Variants in ARL8B observed in about 807,000 individuals in gnomAD.
ARL8B encodes ARF like GTPase 8B, also known as ADP-ribosylation factor-like protein 8B.
A neutral mutation model predicts 30.6 loss-of-function variants in ARL8B; 9 were observed. The observed-to-expected ratio is 0.29, with a 90% CI of 0.18 to 0.51. The LOEUF is 0.51. Ranked by LOEUF, ARL8B falls within the 20% of genes least tolerant of loss-of-function variation. The pLI, the probability that ARL8B is intolerant of heterozygous loss-of-function variation, is 0.97. For synonymous variants in ARL8B, 74 were observed against 76.0 expected, an observed-to-expected ratio of 0.97 and a Z score of 0.14; for missense variants, 130 against 227.2, an observed-to-expected ratio of 0.57 and a Z score of 2.75.
At chr3:5,173,947 A>G (rs1004338739) in intron 4 of ARL8B, 70 bp from the exon 5 acceptor site, 2 of 1,129,922 alleles carry the variant, frequency 1.8e-6, no homozygotes, top group Non-Finnish European at 2.7e-6. Flanking sequence ...GTCTTCACAT[A>G]TCAAGATGAT....
At chr3:5,163,183 C>T (rs139347749) in intron 1 of ARL8B, among the ~76,000 whole-genome samples, 49 of 151,970 alleles carry the variant, frequency 3.2e-4, no homozygotes, top group Admixed American at 7.2e-4. Context: ...GACAAGGTTT[C>T]GCTATGTTGG....
At chr3:5,142,711 G>C (rs961533322) in intron 1 of ARL8B, among the ~76,000 whole-genome samples, 3 of 152,150 alleles carry the variant, frequency 2.0e-5, no homozygotes, top group Non-Finnish European at 4.4e-5. Context: ...TTAGGGTCTG[G>C]AGTTGGAGTA....
intron 1 of ARL8B, among the ~76,000 whole-genome samples, chr3:5,148,634 A>C (rs1041628753): frequency 4.6e-5 from 7 of 152,126 alleles, no homozygotes; most frequent in Non-Finnish European, 8.8e-5. Context: ...TTTTTGATCC[A>C]GCAGAGTGTA....
chr3:5,135,410 G>A (rs1006692511), intron 1 of ARL8B, among the ~76,000 whole-genome samples: 1 of 151,418 alleles, frequency 6.6e-6, no homozygotes, highest in Non-Finnish European at 1.5e-5. Context: ...CTCCCTAAGT[G>A]CTGAGATTGC....
intron 1 of ARL8B, among the ~76,000 whole-genome samples, chr3:5,130,478 A>T (rs1426245063): frequency 6.6e-6 from 1 of 151,304 alleles, no homozygotes; most frequent in Non-Finnish European, 1.5e-5. Context: ...TATAATCCTT[A>T]CCTAATCTTG....
intron 1 of ARL8B, chr3:5,128,591 G>A: frequency 3.0e-6 from 1 of 331,980 alleles, no homozygotes; most frequent in Non-Finnish European, 6.0e-6. Context: ...TATAGTAAGT[G>A]GATGGTTACT....
chr3:5,151,586 G>GCCAA (rs1559280917), intron 1 of ARL8B, among the ~76,000 whole-genome samples: 1 of 152,064 alleles, frequency 6.6e-6, no homozygotes, highest in Admixed American at 6.6e-5. Flanking sequence ...AGATTATATA[G>GCCAA]CCAAGTATTT....
At chr3:5,175,476 C>T (rs2054721504) in intron 6 of ARL8B, among the ~76,000 whole-genome samples, 2 of 152,196 alleles carry the variant, frequency 1.3e-5, no homozygotes, top group Non-Finnish European at 2.9e-5. Context: ...GGCACTACAA[C>T]AATTTTTCAG....
intron 1 of ARL8B, among the ~76,000 whole-genome samples, chr3:5,164,529 T>C (rs1383434945): frequency 6.6e-6 from 1 of 152,262 alleles, no homozygotes; most frequent in African/African-American, 2.4e-5. Flanking sequence ...TTACCTCATT[T>C]GCTTTCTGAT....
chr3:5,145,010 A>T (rs756391303), intron 1 of ARL8B, among the ~76,000 whole-genome samples: 5 of 152,216 alleles, frequency 3.3e-5, no homozygotes, highest in Non-Finnish European at 5.9e-5. Context: ...GGTTTGGGCC[A>T]ACCAACCATT....
At chr3:5,174,151 T>G in intron 5 of ARL8B, 67 bp downstream of exon 5, 1 of 1,398,414 alleles carries the variant, frequency 7.2e-7, no homozygotes, top group Non-Finnish European at 1.0e-6. Context: ...ACTTGTTATG[T>G]TATTCCTAAT....
intron 1 of ARL8B, among the ~76,000 whole-genome samples, chr3:5,123,016 A>C (rs1218211633): frequency 6.6e-6 from 1 of 152,198 alleles, no homozygotes; most frequent in Non-Finnish European, 1.5e-5. Flanking sequence ...AAGCGTAAGC[A>C]TTAAGAGCCT....
At chr3:5,141,913 G>A (rs112091037) in intron 1 of ARL8B, among the ~76,000 whole-genome samples, 7 of 152,250 alleles carry the variant, frequency 4.6e-5, no homozygotes, top group African/African-American at 1.7e-4. Flanking sequence ...CTTATTAATA[G>A]TTGACCACAG....
In ARL8B at chr3:5,122,360, G is replaced by A. The variant is rs568261393; in HGVS notation, c.-106G>A. ...CGGTGTCCGCCCGTGTCGCGCCGGGGCACCAAGGAGCCGTTGGAGGGTCCG... is the reference window on the plus strand; with the variant it reads ...CGGTGTCCGCCCGTGTCGCGCCGGGACACCAAGGAGCCGTTGGAGGGTCCG... On this transcript the variant is annotated 5_prime_UTR_variant, in exon 1 of 7. Coordinates refer to ENST00000256496, the MANE Select transcript of ARL8B (RefSeq NM_018184.3). The A allele has an allele frequency of 1.3e-6, 2 of 1,563,416 alleles. No individual in the cohort carries two copies. Among genetic ancestry groups the A allele is most frequent in the Admixed American group, 1.9e-5 (1 of 53,538 alleles).
chr3:5,169,702 T>C (rs1474475614), intron 1 of ARL8B, among the ~76,000 whole-genome samples: 1 of 152,208 alleles, frequency 6.6e-6, no homozygotes, highest in African/African-American at 2.4e-5. Flanking sequence ...TTATCATGGC[T>C]TACTTTTGAT....
rs1559287057 is a variant in ARL8B, at chr3:5,174,007, CT to C, written c.373-5del. The stretch of plus-strand genomic sequence containing the variant: ...TAAACGTGTGCTCTTAATATCTTTT[CT>C]TTTTAAAGGTGCTAGTGCTTGGAAA... On this transcript the variant is annotated splice_polypyrimidine_tract_variant and intron_variant, in intron 4 of 6. Coordinates refer to ENST00000256496, the MANE Select transcript of ARL8B (RefSeq NM_018184.3). 3.1e-6 allele frequency: 5 copies of C among 1,603,186 alleles called. No individual in the cohort carries two copies. The highest frequency in any genetic ancestry group is 3.4e-6 in the Non-Finnish European group (4 of 1,170,988).
chr3:5,127,732 G>A (rs563839550), intron 1 of ARL8B, among the ~76,000 whole-genome samples: 1 of 152,018 alleles, frequency 6.6e-6, no homozygotes, highest in Non-Finnish European at 1.5e-5. Context: ...AATTAGCTGG[G>A]TGTGGTGGTG....
At chr3:5,169,045 T>C (rs1187470891) in intron 1 of ARL8B, among the ~76,000 whole-genome samples, 1 of 152,202 alleles carries the variant, frequency 6.6e-6, no homozygotes, top group African/African-American at 2.4e-5. Context: ...ATGATAATGA[T>C]AATTGTCCCT....
intron 1 of ARL8B, among the ~76,000 whole-genome samples, chr3:5,144,451 A>T (rs1385354531): frequency 2.6e-5 from 4 of 151,728 alleles, no homozygotes; most frequent in Non-Finnish European, 5.9e-5. Context: ...CTCCCTATAC[A>T]CTCATCATTC....
Sources: allele counts gnomAD v4.1 joint callset (sites outside exome capture counted in the v4.1 genomes callset), GRCh38; gene constraint gnomAD v4.1.1; transcripts MANE v1.5; gene names NCBI Gene and HGNC (gene_info 2026-07-23, HGNC 2026-07-21).